ZNF365: variants seen among roughly 807,000 people sequenced by gnomAD.
ZNF365 encodes the protein zinc finger protein 365.
ZNF365 carries 22 observed loss-of-function variants against 35.0 expected under a neutral mutation model. That is an observed-to-expected ratio of 0.63 (90% CI 0.45 to 0.90). The LOEUF (loss-of-function observed/expected upper bound fraction) is 0.90, where lower values mean the gene tolerates loss of function less well. ZNF365 is among the 40% of genes least tolerant of loss of function. ZNF365 has a pLI of 0.00. For synonymous variants in ZNF365, 188 were observed against 196.2 expected (o/e 0.96, Z 0.35); for missense variants, 448 against 500.3 (o/e 0.90, Z 1.00).
At chr10:62,427,934 C>A (rs907523399) in intron 3 of ZNF365, among the ~76,000 whole-genome samples, 6 of 152,172 alleles carry the variant, frequency 3.9e-5, no homozygotes, top group African/African-American at 9.7e-5. Context: ...AACTTGGACA[C>A]AGAGGAAAAT....
intron 3 of ZNF365, among the ~76,000 whole-genome samples, chr10:62,436,786 G>C (rs1840414338): frequency 6.6e-6 from 1 of 152,278 alleles, no homozygotes; most frequent in Non-Finnish European, 1.5e-5. Context: ...TGGTAACATT[G>C]TGCCAGGAAT....
Position 62,454,634 on chromosome 10 carries a change from T to G in ZNF365, c.925-5107T>G, listed in dbSNP as rs575999084. 4.1e-3 allele frequency among the ~76,000 whole-genome samples: 623 copies of G among 152,214 alleles called. 3 individuals carry two copies. Among genetic ancestry groups the G allele is most frequent in the African/African-American group, 0.014 (594 of 41,508 alleles). ...GGTGGTATTACATGTGCTTCATGTT[T>G]TTTTTTCTTTGCTTCTGATTTATCT... On this transcript the variant is annotated intron_variant, in intron 3 of 4. Coordinates refer to the ZNF365 transcript ENST00000395255.
chr10:62,389,264 C>T (rs1416628847), intron 3 of ZNF365, among the ~76,000 whole-genome samples: 2 of 126,582 alleles, frequency 1.6e-5, no homozygotes, highest in African/African-American at 3.1e-5. Flanking sequence ...AATAACCATA[C>T]TCTAGGTCGA....
chr10:62,439,877 A>G (rs931356604), intron 3 of ZNF365, among the ~76,000 whole-genome samples: 4 of 152,328 alleles, frequency 2.6e-5, no homozygotes, highest in Middle Eastern at 3.4e-3. Flanking sequence ...CCTCAAAAAT[A>G]TCATCTCACT....
chr10:62,381,696 C>T (rs1839442273), intron 2 of ZNF365, among the ~76,000 whole-genome samples: 1 of 152,134 alleles, frequency 6.6e-6, no homozygotes, highest in Non-Finnish European at 1.5e-5. Context: ...TATTAAGCTT[C>T]CAGAACACCC....
intron 3 of ZNF365, among the ~76,000 whole-genome samples, chr10:62,434,923 T>G (rs1307397742): frequency 6.6e-6 from 1 of 152,208 alleles, no homozygotes; most frequent in East Asian, 1.9e-4. Context: ...CAACATTACT[T>G]CTTGAATCCT....
chr10:62,375,454 T>C (rs1331634258), intron 1 of ZNF365: 1 of 152,260 alleles, frequency 6.6e-6, no homozygotes, highest in Admixed American at 6.5e-5. Context: ...GGGTCTGTTA[T>C]TGTTACGATT....
intron 3 of ZNF365, among the ~76,000 whole-genome samples, 166 bp downstream of exon 3, chr10:62,388,742 A>C (rs577733385): frequency 1.3e-5 from 2 of 152,322 alleles, no homozygotes; most frequent in South Asian, 4.1e-4. Context: ...TGGGGAGTCC[A>C]GGACGCCTGG....
chr10:62,402,534 C>G, downstream of ZNF365: 6 of 829,236 alleles, frequency 7.2e-6, no homozygotes, highest in Non-Finnish European at 8.7e-6. Flanking sequence ...AATGGTCCTT[C>G]CTGAATAAGC....
At chr10:62,434,621 G>A (rs572560971) in intron 3 of ZNF365, among the ~76,000 whole-genome samples, 16 of 152,244 alleles carry the variant, frequency 1.1e-4, no homozygotes, top group African/African-American at 2.4e-4. Context: ...AAGACTGCAC[G>A]GAACCGGCTC....
chr10:62,428,407 G>A (rs1840282468), intron 3 of ZNF365, among the ~76,000 whole-genome samples: 1 of 152,108 alleles, frequency 6.6e-6, no homozygotes, highest in Non-Finnish European at 1.5e-5. Flanking sequence ...GATAGTGAGT[G>A]AGCTCTCACA....
At chr10:62,413,360 GA>G (rs981467854) in intron 3 of ZNF365, among the ~76,000 whole-genome samples, 3 of 152,092 alleles carry the variant, frequency 2.0e-5, no homozygotes, top group Admixed American at 6.5e-5. Flanking sequence ...TTTTAGAGGA[GA>G]AAAAAAGTAT....
chr10:62,462,610 G>C (rs1300504992), intron 4 of ZNF365, among the ~76,000 whole-genome samples: 2 of 152,148 alleles, frequency 1.3e-5, no homozygotes, highest in African/African-American at 4.8e-5. Flanking sequence ...CAAAATACTA[G>C]AGTAGTCTTC....
chr10:62,411,089 C>A (rs535087988), intron 3 of ZNF365, among the ~76,000 whole-genome samples: 59 of 152,258 alleles, frequency 3.9e-4, no homozygotes, highest in African/African-American at 1.3e-3. Flanking sequence ...TGAGAAGTGT[C>A]TGTTCATGCC....
intron 3 of ZNF365, among the ~76,000 whole-genome samples, chr10:62,409,423 T>C (rs1839952964): frequency 6.6e-6 from 1 of 152,116 alleles, no homozygotes; most frequent in Admixed American, 6.5e-5. Flanking sequence ...TTCTAACGAA[T>C]CGCTAGAATC....
At chr10:62,428,207 C>T (rs1040337895) in intron 3 of ZNF365, among the ~76,000 whole-genome samples, 1 of 152,136 alleles carries the variant, frequency 6.6e-6, no homozygotes, top group African/African-American at 2.4e-5. Context: ...TAGATGTGTA[C>T]TCAAAACACA....
rs116297631 is a variant in ZNF365, at chr10:62,388,556, C to T, written c.904C>T (p.Arg302Cys). 2,527 of 1,613,946 alleles carry T rather than the reference C, an allele frequency of 1.6e-3. 36 individuals carry two copies. The African/African-American group carries it at 0.03, about 19-fold the overall frequency. The change falls in exon 3 of 5, where the codon CGT becomes TGT. Residue 302 changes from arginine to cysteine, a missense_variant. Physicochemically the swap from Arg to Cys is radical, Grantham distance 180. This residue lies in a region of ZNF365 where 362 missense variants were observed against 375.7 expected (regional missense o/e 0.96). Coordinates refer to ENST00000395254, the MANE Select transcript of ZNF365 (RefSeq NM_014951.3). ...GAGCCAGCAGGCCTCTGGCTTTGTC[C>T]GTGATCTCAGCGGGCACGTGGTGAG... ...YQSQQASGFV[R>C]DLSGHVLTDI...
exon 5 of ZNF365, chr10:62,480,154 T>C: frequency 7.9e-7 from 1 of 1,270,574 alleles, no homozygotes; most frequent in Non-Finnish European, 9.9e-7. Flanking sequence ...ATGCTTTGAG[T>C]TTCTCATATA....
intron 3 of ZNF365, among the ~76,000 whole-genome samples, chr10:62,440,975 C>G (rs1840491077): frequency 1.3e-5 from 2 of 152,166 alleles, no homozygotes; most frequent in African/African-American, 4.8e-5. Flanking sequence ...AAAAGGCCCT[C>G]TTCAAGTGGG....
Sources: gnomAD v4.1 joint callset for allele counts (sites outside exome capture counted in the v4.1 genomes callset) on GRCh38, gnomAD v4.1.1 for gene constraint, gnomAD v4.1.1 regional missense constraint, MANE v1.5 for transcripts, NCBI Gene and HGNC (gene_info 2026-07-23, HGNC 2026-07-21) for gene names.